Variants in USP47 observed in about 807,000 individuals in gnomAD.
USP47 encodes the protein ubiquitin specific peptidase 47.
Under a neutral mutation model 165.1 loss-of-function variants are expected in USP47, and 35 were observed. That is an observed-to-expected ratio of 0.21 (90% confidence interval 0.16 to 0.28). USP47 has a LOEUF of 0.28. USP47 is among the 10% of genes least tolerant of loss of function. USP47 has a pLI of 1.00. For missense variants in USP47, 1,277 were observed against 1,607.4 expected (o/e 0.79, Z 3.52); for synonymous variants, 531 against 544.5 (o/e 0.98, Z 0.35).
intron 8 of USP47, among the ~76,000 whole-genome samples, chr11:11,918,443 T>C (rs1853586914): frequency 1.3e-5 from 2 of 152,222 alleles, no homozygotes; most frequent in South Asian, 4.1e-4. Context: ...GAAAGTACTT[T>C]ATCAGTATTA....
Position 11,950,008 on chromosome 11 carries a change from A to G in USP47, c.3464+4A>G. On this transcript the variant is annotated splice_donor_region_variant and intron_variant, in intron 23 of 27. Transcript: ENST00000527733. ...GTTTAGAGCTCAGTATTGACAGGTAAAGTAAAATTAATGTCATCAGCGATT... is the reference window on the plus strand; with the variant it reads ...GTTTAGAGCTCAGTATTGACAGGTAGAGTAAAATTAATGTCATCAGCGATT... 6.3e-7 allele frequency: 1 copy of G among 1,584,602 alleles called. No homozygotes were observed. Among genetic ancestry groups the G allele is most frequent in the Non-Finnish European group, 8.6e-7 (1 of 1,156,376 alleles).
At chr11:11,892,962 T>C (rs1851637294) in intron 4 of USP47, among the ~76,000 whole-genome samples, 1 of 152,222 alleles carries the variant, frequency 6.6e-6, no homozygotes, top group African/African-American at 2.4e-5. Context: ...TACTTCCATT[T>C]TGAAGCACAT....
At chr11:11,865,000 T>C (rs2134212087) in intron 1 of USP47, among the ~76,000 whole-genome samples, 1 of 152,232 alleles carries the variant, frequency 6.6e-6, no homozygotes, top group South Asian at 2.1e-4. Flanking sequence ...TGTGATGTGA[T>C]CAGAGAAATC....
Position 11,943,016 on chromosome 11 carries a change from TATG to T in USP47, c.3000_3002del (p.Asp1000del). 6.2e-7 allele frequency: 1 copy of T among 1,613,538 alleles called. No individual in the cohort carries two copies. Among genetic ancestry groups the T allele is most frequent in the Non-Finnish European group, 8.5e-7 (1 of 1,179,654 alleles). ...AGAAGACTCTGGAACTGATAGTGAA[TATG>T]ATGAGAGTGGCAAGAGTAGGGGAGA... On this transcript the variant is annotated inframe_deletion, in exon 20 of 28. Coordinates refer to ENST00000527733, the MANE Select transcript of USP47 (RefSeq NM_001282659.2).
At chr11:11,929,652 G>T in intron 12 of USP47, 87 bp downstream of exon 12, 1 of 1,528,614 alleles carries the variant, frequency 6.5e-7, no homozygotes, top group South Asian at 1.3e-5. Flanking sequence ...AAGAATGAGT[G>T]AATCTGTCTA....
Position 11,936,505 on chromosome 11 carries a change from C to T in USP47, c.2072C>T (p.Pro691Leu). 1 of 1,574,118 alleles carries T rather than the reference C, an allele frequency of 6.4e-7. No homozygotes were observed. Among genetic ancestry groups the T allele is most frequent in the Non-Finnish European group, 8.7e-7 (1 of 1,155,808 alleles). ...GATCAGGTTTTCCAATCTTATAAAC[C>T]TGGAGGTGAGCAATTTTACACTATT... ...KPDQVFQSYK[P>L]GEVMVKVHVV... The change falls in exon 17 of 28, where the codon CCT becomes CTT. Residue 691 changes from proline (P) to leucine (L), a missense_variant. Physicochemically the swap from Pro to Leu is moderately conservative, Grantham distance 98. Around this residue, in one of 4 missense-constraint regions of USP47, gnomAD observed 909 missense variants for 1,068.1 expected, o/e 0.85. Transcript: ENST00000527733.
At chr11:11,934,756 C>G (rs1019764491) in intron 16 of USP47, among the ~76,000 whole-genome samples, 1 of 152,006 alleles carries the variant, frequency 6.6e-6, no homozygotes, top group African/African-American at 2.4e-5. Context: ...GTTTGAAAGG[C>G]AAATGGGGTC....
chr11:11,935,761 C>G (rs1855014782), intron 16 of USP47, among the ~76,000 whole-genome samples: 1 of 151,898 alleles, frequency 6.6e-6, no homozygotes, highest in Admixed American at 6.6e-5. Flanking sequence ...ATAGAAATTC[C>G]TATACCATGA....
intron 8 of USP47, among the ~76,000 whole-genome samples, chr11:11,906,787 C>T (rs1852598689): frequency 6.6e-6 from 1 of 151,974 alleles, no homozygotes; most frequent in Non-Finnish European, 1.5e-5. Flanking sequence ...CTTTAATTGG[C>T]AGTTCAAAGT....
intron 8 of USP47, among the ~76,000 whole-genome samples, chr11:11,916,104 G>A (rs1853398465): frequency 1.3e-5 from 2 of 152,158 alleles, no homozygotes; most frequent in African/African-American, 4.8e-5. Context: ...GGAGAACTAA[G>A]GATGTAAGAA....
In USP47 at chr11:11,930,660, T is replaced by G. The variant is rs766847591; in HGVS notation, c.1596-36T>G. 6 of 1,469,978 alleles carry G rather than the reference T, an allele frequency of 4.1e-6. No homozygotes were observed. In the African/African-American group the frequency reaches 8.5e-5, roughly 21 times the overall value. The allele number at this position is 1,469,978 out of a possible 1,614,324, so 91.1% of individuals were successfully genotyped here. ...AGAAGTGGAATCTTTTTAATCTACTTTTTGTCCTTATTAATCTTTTTTATG... is the reference window on the plus strand; with the variant it reads ...AGAAGTGGAATCTTTTTAATCTACTGTTTGTCCTTATTAATCTTTTTTATG... On this transcript the variant is annotated intron_variant, in intron 13 of 27. Transcript: ENST00000527733.
chr11:11,877,354 G>A (rs754991991), intron 1 of USP47, among the ~76,000 whole-genome samples: 5 of 152,132 alleles, frequency 3.3e-5, no homozygotes, highest in Non-Finnish European at 7.4e-5. Context: ...ATAAGAATGG[G>A]CCCAGAAAGT....
intron 8 of USP47, among the ~76,000 whole-genome samples, chr11:11,917,553 A>G (rs1191391241): frequency 6.6e-6 from 1 of 150,948 alleles, no homozygotes; most frequent in East Asian, 2.0e-4. Context: ...AAGGGAGAGC[A>G]GAATAAGATC....
At chr11:11,898,359 A>AT (rs200752746) in intron 5 of USP47, among the ~76,000 whole-genome samples, 20 of 151,532 alleles carry the variant, frequency 1.3e-4, no homozygotes, top group South Asian at 4.2e-4. Context: ...GAGTAAACTG[A>AT]TTTTTTTTTC....
intron 17 of USP47, 72 bp downstream of exon 17, chr11:11,936,582 T>G: frequency 8.0e-7 from 1 of 1,246,478 alleles, no homozygotes; most frequent in Non-Finnish European, 1.1e-6. Context: ...TTTTTTATTG[T>G]AGAAATGAAC....
At position 11,961,403 on chromosome 11, in the gene USP47, G is replaced by A. The variant is rs1847449548; in HGVS notation, c.*5228G>A. On this transcript the variant is annotated 3_prime_UTR_variant, in exon 28 of 28. Coordinates refer to ENST00000527733, the MANE Select transcript of USP47 (RefSeq NM_001282659.2). ...CAGAAGTGGAGAACCTTTCCCACCT[G>A]TAGAAAGCCAGAGAGCTGGCACCTG... 6.6e-6 allele frequency among the ~76,000 whole-genome samples: 1 copy of A among 152,190 alleles called. No homozygotes were observed. The highest frequency in any genetic ancestry group is 1.5e-5 in the Non-Finnish European group (1 of 68,040).
chr11:11,914,216 TC>T (rs1417471556), intron 8 of USP47, among the ~76,000 whole-genome samples: 2 of 152,022 alleles, frequency 1.3e-5, no homozygotes, highest in Admixed American at 6.6e-5. Context: ...GGCAAATAGA[TC>T]CGTGGAGTAG....
intron 8 of USP47, among the ~76,000 whole-genome samples, chr11:11,913,811 T>C (rs1214597123): frequency 6.6e-6 from 1 of 152,082 alleles, no homozygotes; most frequent in Non-Finnish European, 1.5e-5. Context: ...TTCAAGGTGA[T>C]GGATATCCTA....
Position 11,880,423 on chromosome 11 carries a change from ATTG to A in USP47, c.243+55_243+57del, listed in dbSNP as rs1317677774. ...AGCTTCTAAAAATGTTATTATAGCC[ATTG>A]TTGTTGTTGTTACTGATGATAATGT... On this transcript the variant is annotated intron_variant, in intron 2 of 27. Coordinates refer to ENST00000527733, the MANE Select transcript of USP47 (RefSeq NM_001282659.2). The A allele has an allele frequency of 2.0e-5, 25 of 1,246,696 alleles. No individual in the cohort carries two copies. The East Asian group carries it at 2.2e-4, about 11-fold the overall frequency. 77.2% of individuals were successfully genotyped at this position (1,246,696 alleles called of 1,614,324 possible).
Sources: allele counts gnomAD v4.1 joint callset (sites outside exome capture counted in the v4.1 genomes callset), GRCh38; gene constraint gnomAD v4.1.1; regional missense constraint gnomAD v4.1.1; transcripts MANE v1.5; gene names NCBI Gene and HGNC (gene_info 2026-07-23, HGNC 2026-07-21).